C12orf42: variants seen among roughly 807,000 people sequenced by gnomAD.
The protein encoded by C12orf42 is chromosome 12 open reading frame 42, also known as uncharacterized protein C12orf42.
C12orf42 carries 25 observed loss-of-function variants against 21.6 expected under a neutral mutation model. That is an observed-to-expected ratio of 1.16 (90% CI 0.84 to 1.62). The LOEUF (loss-of-function observed/expected upper bound fraction) is 1.62. C12orf42 is among the 40% of genes most tolerant of loss of function. C12orf42 has a pLI of 0.00. For missense variants in C12orf42, 483 were observed against 459.3 expected (o/e 1.05, Z -0.47); for synonymous variants, 174 against 175.0 (o/e 0.99, Z 0.05).
At chr12:103,108,779 C>T in the C12orf42 span, among the ~76,000 whole-genome samples, 2 of 151,936 alleles carry the variant, frequency 1.3e-5, no homozygotes, top group Non-Finnish European at 2.9e-5. Context: ...AGCCAAGGAC[C>T]AAGATAAAAT....
intron 2 of C12orf42, among the ~76,000 whole-genome samples, chr12:103,403,738 G>A (rs1216419650): frequency 6.6e-6 from 1 of 152,186 alleles, no homozygotes; most frequent in Admixed American, 6.5e-5. Context: ...TTGCGTCTCA[G>A]TTCTCCTTCT....
intron 3 of C12orf42, among the ~76,000 whole-genome samples, chr12:103,382,140 C>T (rs1027248010): frequency 3.9e-5 from 6 of 152,112 alleles, no homozygotes; most frequent in Non-Finnish European, 8.8e-5. Flanking sequence ...ATTGTACTAG[C>T]AAAGTAAAAG....
At chr12:103,186,735 G>A in the C12orf42 span, among the ~76,000 whole-genome samples, 7 of 152,108 alleles carry the variant, frequency 4.6e-5, no homozygotes, top group African/African-American at 1.7e-4. Flanking sequence ...AAGCTCTTGA[G>A]GTGACACACC....
chr12:103,180,705 C>G, the C12orf42 span, among the ~76,000 whole-genome samples: 1 of 143,242 alleles, frequency 7.0e-6, no homozygotes, highest in Non-Finnish European at 1.5e-5. Flanking sequence ...CTCGGCTCAC[C>G]ACAAACTGCA....
the C12orf42 span, among the ~76,000 whole-genome samples, chr12:103,232,131 G>A: frequency 3.3e-5 from 5 of 151,928 alleles, no homozygotes; most frequent in Admixed American, 1.3e-4. Context: ...TAGGTCTTTG[G>A]GCCAATTTTA....
At chr12:103,447,113 A>G (rs1479218037) in intron 2 of C12orf42, among the ~76,000 whole-genome samples, 2 of 151,996 alleles carry the variant, frequency 1.3e-5, no homozygotes, top group Non-Finnish European at 2.9e-5. Flanking sequence ...GTGATAGGGC[A>G]CAAAAAAGTC....
At chr12:103,330,746 T>C (rs2041176671) in intron 4 of C12orf42, among the ~76,000 whole-genome samples, 1 of 152,232 alleles carries the variant, frequency 6.6e-6, no homozygotes, top group African/African-American at 2.4e-5. Context: ...TAGTTCTCTA[T>C]GTTCTTACCT....
At chr12:103,380,325 C>T (rs200572664) in intron 3 of C12orf42, among the ~76,000 whole-genome samples, 1 of 152,144 alleles carries the variant, frequency 6.6e-6, no homozygotes, top group East Asian at 1.9e-4. Context: ...ATTGAGGTCA[C>T]TGCATAAACA....
intron 5 of C12orf42, among the ~76,000 whole-genome samples, chr12:103,275,601 A>G (rs1348860733): frequency 6.6e-6 from 1 of 152,204 alleles, no homozygotes; most frequent in Non-Finnish European, 1.5e-5. Context: ...ATAATTTTGT[A>G]ACAAAAATTA....
chr12:103,561,788 C>T, the C12orf42 span, among the ~76,000 whole-genome samples: 17 of 152,194 alleles, frequency 1.1e-4, no homozygotes, highest in African/African-American at 3.9e-4. Context: ...TTTCTTGTCT[C>T]ACTATCGTGT....
the C12orf42 span, among the ~76,000 whole-genome samples, chr12:103,159,784 A>G: frequency 1.3e-5 from 2 of 152,222 alleles, no homozygotes; most frequent in Admixed American, 1.3e-4. Flanking sequence ...GTGTGTGCAC[A>G]TGCATCATCT....
the C12orf42 span, among the ~76,000 whole-genome samples, chr12:103,512,243 C>G: frequency 6.6e-6 from 1 of 151,372 alleles, no homozygotes; most frequent in Non-Finnish European, 1.5e-5. Flanking sequence ...TATGTGGGAG[C>G]TAAAAAATCA....
intron 4 of C12orf42, among the ~76,000 whole-genome samples, chr12:103,295,561 C>T (rs1018050932): frequency 6.6e-6 from 1 of 151,992 alleles, no homozygotes; most frequent in Admixed American, 6.6e-5. Flanking sequence ...TACTACTGAC[C>T]TCACAGTTAT....
rs555581653 is a variant in C12orf42 at position 103,367,888 on chromosome 12, A to G, written c.259+999T>C. 40 of 342,430 alleles carry G rather than the reference A, an allele frequency of 1.2e-4. 1 individual carries two copies. The highest frequency in any genetic ancestry group is 1.0e-3 in the South Asian group (34 of 32,458). The allele number at this position is 342,430 out of a possible 1,614,324, so 21.2% of individuals were successfully genotyped here. ...AGAGTTTGAAGCCATTATAAAATCA[A>G]CTAAACCTTTCAATGGCCCTGATAT... On this transcript the variant is annotated intron_variant, in intron 4 of 5. Coordinates refer to ENST00000548883, the MANE Select transcript of C12orf42 (RefSeq NM_198521.5).
At chr12:103,200,397 G>T in the C12orf42 span, among the ~76,000 whole-genome samples, 5 of 152,114 alleles carry the variant, frequency 3.3e-5, no homozygotes, top group African/African-American at 1.2e-4. Context: ...TCAAATTACA[G>T]AGATTTACTG....
chr12:103,561,637 G>A, the C12orf42 span, among the ~76,000 whole-genome samples: 1 of 152,100 alleles, frequency 6.6e-6, no homozygotes, highest in Non-Finnish European at 1.5e-5. Context: ...ATCTGGGGAG[G>A]ACAGAAACAT....
chr12:103,270,661 C>T (rs980022034), intron 5 of C12orf42, among the ~76,000 whole-genome samples: 1 of 150,926 alleles, frequency 6.6e-6, no homozygotes, highest in East Asian at 2.0e-4. Context: ...ATGTGCCATG[C>T]TGGTGTGCTG....
chr12:103,421,324 C>A (rs932774082), intron 2 of C12orf42, among the ~76,000 whole-genome samples: 1 of 152,134 alleles, frequency 6.6e-6, no homozygotes, highest in African/African-American at 2.4e-5. Context: ...GTAATCACAA[C>A]TTTAGGAGAC....
At chr12:103,154,016 A>T in the C12orf42 span, among the ~76,000 whole-genome samples, 1 of 138,926 alleles carries the variant, frequency 7.2e-6, no homozygotes, top group Admixed American at 7.2e-5. Flanking sequence ...GAGTGTGGAC[A>T]AATCTCAGCA....
Sources: gnomAD v4.1 joint callset for allele counts (sites outside exome capture counted in the v4.1 genomes callset) on GRCh38, gnomAD v4.1.1 for gene constraint, MANE v1.5 for transcripts, NCBI Gene and HGNC (gene_info 2026-07-23, HGNC 2026-07-21) for gene names.